ADAMTSL3: variants seen among roughly 807,000 people sequenced by gnomAD.
The protein encoded by ADAMTSL3 is ADAMTS like 3.
ADAMTSL3 carries 128 observed loss-of-function variants against 201.7 expected under a neutral mutation model. The ratio of observed to expected loss-of-function variants is 0.63; its 90% CI spans 0.55 to 0.73. The LOEUF is 0.73. ADAMTSL3 is among the 30% of genes least tolerant of loss of function. ADAMTSL3 has a pLI of 0.00. For synonymous variants in ADAMTSL3, 738 were observed against 748.4 expected, an observed-to-expected ratio of 0.99 and a Z score of 0.23; for missense variants, 1,990 against 2,119.6, an observed-to-expected ratio of 0.94 and a Z score of 1.20.
chr15:83,830,004 TTGA>T (rs1469565738), intron 6 of ADAMTSL3, among the ~76,000 whole-genome samples: 4 of 152,234 alleles, frequency 2.6e-5, no homozygotes, highest in Middle Eastern at 3.2e-3. Context: ...GTATATTCTG[TTGA>T]TTTGGGATGG....
intron 2 of ADAMTSL3, among the ~76,000 whole-genome samples, chr15:83,699,915 A>G (rs2061744953): frequency 6.6e-6 from 1 of 152,064 alleles, no homozygotes; most frequent in South Asian, 2.1e-4. Flanking sequence ...CATTATTCTC[A>G]TATCACCTTG....
rs558295119 is a variant in ADAMTSL3 at position 83,703,515 on chromosome 15, C to A, written c.70-874C>A. ...TAATTTGAATCATAGGGACAGTTTC[C>A]CCCATACTGTTCTCGTGATAGTGAA... On this transcript the variant is annotated intron_variant, in intron 2 of 29. Transcript: ENST00000286744. Among the ~76,000 whole-genome samples the A allele has an allele frequency of 3.9e-5, 6 of 152,164 alleles. No individual in the cohort carries two copies. The South Asian group carries it at 1.2e-3, about 32-fold the overall frequency.
Position 84,025,384 on chromosome 15 carries a change from G to A in ADAMTSL3, c.4604G>A (p.Gly1535Glu). 6.2e-7 allele frequency: 1 copy of A among 1,614,136 alleles called. No individual in the cohort carries two copies. The highest frequency in any genetic ancestry group is 1.1e-5 in the South Asian group (1 of 91,074). The change falls in exon 27 of 30, where the codon GGA becomes GAA. Residue 1535 changes from glycine (G) to glutamate (E), a missense_variant. Transcript: ENST00000286744. ...TGTGCCCCTAAAGACCGGCCTCTGGGAAGAAAACCATGTTTTGGTCATCCA... is the reference window on the plus strand; with the variant it reads ...TGTGCCCCTAAAGACCGGCCTCTGGAAAGAAAACCATGTTTTGGTCATCCA... ...RACAPKDRPL[G>E]RKPCFGHPCV...
intron 19 of ADAMTSL3, among the ~76,000 whole-genome samples, chr15:83,964,445 T>A (rs1425021754): frequency 6.6e-6 from 1 of 151,250 alleles, no homozygotes; most frequent in Non-Finnish European, 1.5e-5. Context: ...ATGAACTTAA[T>A]GAAATAAGCA....
At chr15:83,928,695 T>G (rs1186703743) in intron 17 of ADAMTSL3, among the ~76,000 whole-genome samples, 1 of 152,204 alleles carries the variant, frequency 6.6e-6, no homozygotes, top group Non-Finnish European at 1.5e-5. Flanking sequence ...ATGAAACAAT[T>G]TACAATTCAT....
At chr15:83,660,240 T>A (rs1471521439) in intron 2 of ADAMTSL3, among the ~76,000 whole-genome samples, 1 of 152,186 alleles carries the variant, frequency 6.6e-6, no homozygotes, top group Admixed American at 6.5e-5. Context: ...GGCCTCTTAT[T>A]CACCTTCTAC....
intron 3 of ADAMTSL3, among the ~76,000 whole-genome samples, chr15:83,709,037 T>C (rs984786541): frequency 1.3e-5 from 2 of 152,240 alleles, no homozygotes; most frequent in African/African-American, 4.8e-5. Context: ...TTATCTCCTA[T>C]CCTAAAAATC....
chr15:83,773,447 T>G, intron 3 of ADAMTSL3, 76 bp from the exon 4 acceptor site: 1 of 1,503,264 alleles, frequency 6.7e-7, no homozygotes, highest in Non-Finnish European at 9.1e-7. Flanking sequence ...TGGGGAAGAT[T>G]TGGGATATTT....
chr15:83,771,966 C>G (rs989015782), intron 3 of ADAMTSL3, among the ~76,000 whole-genome samples: 2 of 152,008 alleles, frequency 1.3e-5, no homozygotes, highest in Non-Finnish European at 2.9e-5. Flanking sequence ...AATACTGGTG[C>G]CTCAGCCTCC....
intron 2 of ADAMTSL3, among the ~76,000 whole-genome samples, chr15:83,671,558 TGTAAG>T (rs970029298): frequency 1.6e-4 from 25 of 152,238 alleles, no homozygotes; most frequent in Non-Finnish European, 1.5e-5. Context: ...TTTGAAATGT[TGTAAG>T]GTGCTCAATT....
intron 17 of ADAMTSL3, among the ~76,000 whole-genome samples, chr15:83,924,238 T>C (rs2066207402): frequency 6.6e-6 from 1 of 152,224 alleles, no homozygotes. Context: ...GGAATGCTCT[T>C]CAGGCTGACT....
At chr15:83,841,826 T>G (rs1274958424) in intron 7 of ADAMTSL3, among the ~76,000 whole-genome samples, 1 of 151,822 alleles carries the variant, frequency 6.6e-6, no homozygotes, top group African/African-American at 2.4e-5. Flanking sequence ...CCCCATTCTG[T>G]GTCTATAAAA....
chr15:83,818,677 CA>C (rs1393137548), intron 5 of ADAMTSL3, among the ~76,000 whole-genome samples: 1 of 152,138 alleles, frequency 6.6e-6, no homozygotes, highest in Non-Finnish European at 1.5e-5. Context: ...GTTTGCATAT[CA>C]AAAGTAGATT....
At chr15:83,689,931 G>C (rs1049532348) in intron 2 of ADAMTSL3, among the ~76,000 whole-genome samples, 31 of 152,184 alleles carry the variant, frequency 2.0e-4, no homozygotes, top group African/African-American at 7.0e-4. Context: ...TTTCTTTATG[G>C]AAAGAATGTA....
intron 3 of ADAMTSL3, among the ~76,000 whole-genome samples, chr15:83,732,541 G>A (rs745503943): frequency 6.6e-6 from 1 of 151,966 alleles, no homozygotes; most frequent in African/African-American, 2.4e-5. Context: ...ATAATGATGG[G>A]CAATAATATA....
intron 6 of ADAMTSL3, among the ~76,000 whole-genome samples, chr15:83,831,512 A>G (rs952413465): frequency 3.3e-5 from 5 of 152,192 alleles, no homozygotes; most frequent in African/African-American, 1.2e-4. Flanking sequence ...TACCTGAAGC[A>G]TATGTAATTA....
chr15:83,777,083 G>A (rs1333367336), intron 4 of ADAMTSL3, among the ~76,000 whole-genome samples: 1 of 152,126 alleles, frequency 6.6e-6, no homozygotes, highest in Non-Finnish European at 1.5e-5. Flanking sequence ...CTACTTGTGG[G>A]GCACACAGAA....
At chr15:83,740,860 TAGAA>T (rs1390938690) in intron 3 of ADAMTSL3, among the ~76,000 whole-genome samples, 3 of 152,138 alleles carry the variant, frequency 2.0e-5, no homozygotes, top group African/African-American at 7.2e-5. Context: ...AATATTTAGA[TAGAA>T]TGAATACTTT....
At chr15:83,746,095 G>T (rs1368730447) in intron 3 of ADAMTSL3, among the ~76,000 whole-genome samples, 3 of 152,074 alleles carry the variant, frequency 2.0e-5, no homozygotes, top group African/African-American at 7.2e-5. Flanking sequence ...TGGGTTGGCC[G>T]TTCCTCTTAT....
Sources: gnomAD v4.1 joint callset for allele counts (sites outside exome capture counted in the v4.1 genomes callset) on GRCh38, gnomAD v4.1.1 for gene constraint, MANE v1.5 for transcripts, NCBI Gene and HGNC (gene_info 2026-07-23, HGNC 2026-07-21) for gene names.